Variants in RBPJ observed in about 807,000 individuals in gnomAD.
RBPJ encodes the protein recombining binding protein suppressor of hairless.
A neutral mutation model predicts 67.8 loss-of-function variants in RBPJ; 9 were observed. The ratio of observed to expected loss-of-function variants is 0.13; its 90% confidence interval spans 0.08 to 0.23. The LOEUF (loss-of-function observed/expected upper bound fraction) is 0.23. RBPJ is among the 10% of genes least tolerant of loss of function. The probability of loss-of-function intolerance (pLI) is 1.00; values close to 1 mark genes in which losing one functional copy is unlikely to be tolerated. For missense variants in RBPJ, 305 were observed against 595.6 expected, an observed-to-expected ratio of 0.51 and a Z score of 5.08; for synonymous variants, 198 against 203.3, an observed-to-expected ratio of 0.97 and a Z score of 0.22.
At chr4:26,335,396 G>A (rs1009722831) in intron 1 of RBPJ, among the ~76,000 whole-genome samples, 2 of 151,928 alleles carry the variant, frequency 1.3e-5, no homozygotes, top group Non-Finnish European at 2.9e-5. Flanking sequence ...TGGCCAGGAT[G>A]GTCTCGATCT....
At chr4:26,276,291 AAAAG>A (rs1410046868) in intron 1 of RBPJ, among the ~76,000 whole-genome samples, 1 of 151,944 alleles carries the variant, frequency 6.6e-6, no homozygotes, top group African/African-American at 2.4e-5. Flanking sequence ...AAAAAAAAGA[AAAAG>A]AAAACATAAA....
intron 1 of RBPJ, among the ~76,000 whole-genome samples, chr4:26,193,912 C>A (rs1717660280): frequency 6.6e-6 from 1 of 152,178 alleles, no homozygotes; most frequent in African/African-American, 2.4e-5. Flanking sequence ...CTGGTCCTAC[C>A]AAGCTGCTCA....
chr4:26,343,679 C>G (rs1247798783), intron 1 of RBPJ, among the ~76,000 whole-genome samples: 2 of 148,172 alleles, frequency 1.3e-5, no homozygotes, highest in Non-Finnish European at 3.0e-5. Flanking sequence ...TCCTGAGTAC[C>G]TGGGATTACA....
At chr4:26,284,812 A>C (rs950787100) in intron 1 of RBPJ, among the ~76,000 whole-genome samples, 18 of 151,022 alleles carry the variant, frequency 1.2e-4, no homozygotes, top group African/African-American at 1.5e-4. Flanking sequence ...AACAACAACA[A>C]CCAGTCTGTT....
chr4:26,179,611 A>G (rs1443515472), intron 1 of RBPJ, among the ~76,000 whole-genome samples: 2 of 152,164 alleles, frequency 1.3e-5, no homozygotes, highest in Admixed American at 6.5e-5. Context: ...CAAAACCACA[A>G]TGAGTTACCG....
At chr4:26,255,248 C>A in intron 1 of RBPJ, among the ~76,000 whole-genome samples, 1 of 136,122 alleles carries the variant, frequency 7.3e-6, no homozygotes. Context: ...ACTAAAAATA[C>A]AAAAAATGAG....
intron 1 of RBPJ, among the ~76,000 whole-genome samples, chr4:26,237,265 T>C (rs1719482751): frequency 1.3e-5 from 2 of 152,186 alleles, no homozygotes; most frequent in South Asian, 4.1e-4. Context: ...CTGTGTGTGC[T>C]GTCACTTAAG....
intron 1 of RBPJ, among the ~76,000 whole-genome samples, chr4:26,269,257 T>G (rs1577374098): frequency 6.6e-6 from 1 of 151,044 alleles, no homozygotes. Flanking sequence ...TTTATTTATT[T>G]ATTTATTTAT....
At position 26,327,695 on chromosome 4, in the gene RBPJ, T is replaced by C. The variant is rs557297375; in HGVS notation, c.20+6647T>C. ...ACATAACAGGAGAAAAAATATTTAA[T>C]GTTGGGCGCAGTAGTAGCTCAGGCC... On this transcript the variant is annotated intron_variant, in intron 1 of 10. Transcript: ENST00000355476. 2.6e-5 allele frequency among the ~76,000 whole-genome samples: 4 copies of C among 152,130 alleles called. No homozygotes were observed. The South Asian group carries it at 8.3e-4, about 32-fold the overall frequency.
intron 1 of RBPJ, among the ~76,000 whole-genome samples, chr4:26,191,557 A>G (rs1717549701): frequency 6.6e-6 from 1 of 152,188 alleles, no homozygotes; most frequent in South Asian, 2.1e-4. Flanking sequence ...AAGCAAAATC[A>G]GCAAAGGAGA....
chr4:26,217,907 A>G (rs1718770274), intron 1 of RBPJ, among the ~76,000 whole-genome samples: 2 of 152,220 alleles, frequency 1.3e-5, no homozygotes, highest in Admixed American at 1.3e-4. Context: ...TGCCAGAGAC[A>G]TAGACGTGTT....
chr4:26,397,042 G>C (rs976336164), intron 2 of RBPJ, among the ~76,000 whole-genome samples: 1 of 152,218 alleles, frequency 6.6e-6, no homozygotes, highest in Non-Finnish European at 1.5e-5. Context: ...AAAACAAGGA[G>C]ATCTTAGTCT....
chr4:26,295,161 A>G (rs1320156887), intron 1 of RBPJ, among the ~76,000 whole-genome samples: 2 of 152,068 alleles, frequency 1.3e-5, no homozygotes, highest in Non-Finnish European at 2.9e-5. Flanking sequence ...CCCCTCCACT[A>G]GGCTTACATT....
intron 1 of RBPJ, among the ~76,000 whole-genome samples, chr4:26,326,284 A>G (rs1723622879): frequency 6.6e-6 from 1 of 152,194 alleles, no homozygotes; most frequent in South Asian, 2.1e-4. Context: ...GCAATCTCAT[A>G]GCCCCTGAGA....
chr4:26,396,881 G>A (rs2109693542), intron 2 of RBPJ, among the ~76,000 whole-genome samples: 1 of 152,312 alleles, frequency 6.6e-6, no homozygotes, highest in Non-Finnish European at 1.5e-5. Flanking sequence ...TTGGTCACTG[G>A]TAGATGTAGA....
chr4:26,275,409 G>A (rs1454921990), intron 1 of RBPJ, among the ~76,000 whole-genome samples: 1 of 152,168 alleles, frequency 6.6e-6, no homozygotes, highest in Non-Finnish European at 1.5e-5. Flanking sequence ...GACCTAGCAT[G>A]CTATGAGTCT....
chr4:26,343,843 T>C (rs6853954), intron 1 of RBPJ, among the ~76,000 whole-genome samples: 104,846 of 148,832 alleles, frequency 0.7, 37,076 homozygotes, highest in East Asian at 0.84. Flanking sequence ...CTCCACCTCC[T>C]GGGCTCAAGT....
At chr4:26,253,307 CTTTTTTTTTT>C (rs1182769419) in intron 1 of RBPJ, among the ~76,000 whole-genome samples, 1 of 114,394 alleles carries the variant, frequency 8.7e-6, no homozygotes, top group Admixed American at 9.2e-5. Context: ...TCTGCTATTT[CTTTTTTTTTT>C]TTTTTTTTTT....
At chr4:26,130,511 T>G in the RBPJ span, among the ~76,000 whole-genome samples, 2 of 152,192 alleles carry the variant, frequency 1.3e-5, 1 homozygote, top group South Asian at 4.1e-4. Flanking sequence ...GTCTCAGTCC[T>G]TATTTTTTCA....
Sources: allele counts gnomAD v4.1 joint callset (sites outside exome capture counted in the v4.1 genomes callset), GRCh38; gene constraint gnomAD v4.1.1; transcripts MANE v1.5; gene names NCBI Gene and HGNC (gene_info 2026-07-23, HGNC 2026-07-21).